NT5C2: variants seen among roughly 807,000 people sequenced by gnomAD.
NT5C2 encodes 5'-nucleotidase, cytosolic II.
In NT5C2, 58 loss-of-function variants were observed where a neutral mutation model predicts 76.1. That is an observed-to-expected ratio of 0.76 (90% CI 0.62 to 0.95). The LOEUF (loss-of-function observed/expected upper bound fraction) is 0.95, where lower values mean the gene tolerates loss of function less well. NT5C2 is among the 40% of genes least tolerant of loss of function. The pLI is 0.00. For missense variants in NT5C2, 478 were observed against 690.3 expected (o/e 0.69, Z 3.45); for synonymous variants, 229 against 237.4 (o/e 0.96, Z 0.32).
rs76986834 is a variant in NT5C2 at position 103,106,929 on chromosome 10, C to T, written c.176-223G>A. On this transcript the variant is annotated intron_variant, in intron 4 of 18. Coordinates refer to ENST00000404739, the MANE Select transcript of NT5C2 (RefSeq NM_001351169.2). ...ATATTATATAGCAGGAGCACAGCAA[C>T]AAGCTGAATTATCAAATTATTCAGT... is the stretch of plus-strand genomic sequence containing the variant. Among the ~76,000 whole-genome samples the T allele has an allele frequency of 4.0e-3, 614 of 152,242 alleles. 20 individuals carry two copies. In the East Asian group the frequency reaches 0.072, roughly 18 times the overall value.
chr10:103,120,447 GTTATTT>G (rs1434722527), intron 4 of NT5C2, among the ~76,000 whole-genome samples: 2 of 152,156 alleles, frequency 1.3e-5, no homozygotes, highest in Non-Finnish European at 2.9e-5. Flanking sequence ...TAACTCCACA[GTTATTT>G]TAAAAACCTA....
chr10:103,157,630 C>T (rs1036267715), intron 3 of NT5C2, among the ~76,000 whole-genome samples: 1 of 152,148 alleles, frequency 6.6e-6, no homozygotes. Flanking sequence ...TCAACATCAG[C>T]AGAATACACA....
At chr10:103,162,810 TAA>T (rs1005186417) in intron 3 of NT5C2, among the ~76,000 whole-genome samples, 4 of 152,190 alleles carry the variant, frequency 2.6e-5, no homozygotes, top group African/African-American at 9.7e-5. Context: ...TTATTATTAC[TAA>T]AATACAGTAA....
At position 103,101,269 on chromosome 10, in the gene NT5C2, T is replaced by C; in HGVS notation, c.447A>G (p.Arg149=). 6.2e-7 allele frequency: 1 copy of C among 1,608,866 alleles called. No homozygotes were observed. The highest frequency in any genetic ancestry group is 8.5e-7 in the Non-Finnish European group (1 of 1,175,750). Residue 149 remains arginine (R), a synonymous_variant, in exon 7 of 19, where the codon AGA becomes AGG. Transcript: ENST00000404739. ...NKFIQRDDTE[R]FYILNTLFNL... is the part of the protein sequence containing the mutation. ...TGAATAGTGTGTTCAGAATGTAAAATCTTTCAGTATCATCTCGCTGGATAA... is the reference window on the plus strand; with the variant it reads ...TGAATAGTGTGTTCAGAATGTAAAACCTTTCAGTATCATCTCGCTGGATAA...
In NT5C2 at chr10:103,089,337, T is replaced by C. The variant is rs1451316494; in HGVS notation, c.*335A>G. ...CACTCTTTGTTCCACTCTGAGACTC[T>C]TTCCTTTTCCTCGTGTATCCAGATA... On this transcript the variant is annotated 3_prime_UTR_variant, in exon 19 of 19. Coordinates refer to ENST00000404739, the MANE Select transcript of NT5C2 (RefSeq NM_001351169.2). The C allele has an allele frequency of 7.8e-6, 2 of 256,498 alleles. No homozygotes were observed. Among genetic ancestry groups the C allele is most frequent in the Non-Finnish European group, 7.5e-6 (1 of 134,128 alleles). 15.9% of individuals were successfully genotyped at this position (256,498 alleles called of 1,614,324 possible).
intron 4 of NT5C2, chr10:103,125,224 T>G (rs2076437439): frequency 1.3e-6 from 1 of 769,942 alleles, no homozygotes; most frequent in Admixed American, 1.8e-5. Flanking sequence ...TGAGGTTCAC[T>G]ACAATTTTCC....
At chr10:103,160,095 T>C (rs1304636758) in intron 3 of NT5C2, among the ~76,000 whole-genome samples, 1 of 152,220 alleles carries the variant, frequency 6.6e-6, no homozygotes, top group Non-Finnish European at 1.5e-5. Context: ...TTCATACATC[T>C]ATGTTCAAAT....
intron 4 of NT5C2, among the ~76,000 whole-genome samples, chr10:103,130,484 T>G (rs2077933456): frequency 6.8e-6 from 1 of 146,590 alleles, no homozygotes; most frequent in Non-Finnish European, 1.5e-5. Context: ...TCTGCTGACC[T>G]TCCCTCCACT....
chr10:103,170,505 A>G (rs866679120), intron 3 of NT5C2, among the ~76,000 whole-genome samples: 2 of 150,132 alleles, frequency 1.3e-5, no homozygotes, highest in Non-Finnish European at 3.0e-5. Context: ...ATACACACAC[A>G]CAAGCACACA....
chr10:103,108,695 TAATA>T (rs1208136681), intron 4 of NT5C2, among the ~76,000 whole-genome samples: 1 of 152,176 alleles, frequency 6.6e-6, no homozygotes, highest in Non-Finnish European at 1.5e-5. Flanking sequence ...CAAAATCCTT[TAATA>T]AATATTTGTC....
intron 4 of NT5C2, among the ~76,000 whole-genome samples, chr10:103,129,354 G>C (rs2077470206): frequency 8.4e-6 from 1 of 118,712 alleles, no homozygotes; most frequent in Admixed American, 7.7e-5. Flanking sequence ...AGGTGGGGGG[G>C]TCAGCTCTCC....
chr10:103,189,357 C>T (rs566516690), intron 1 of NT5C2, among the ~76,000 whole-genome samples: 9 of 152,104 alleles, frequency 5.9e-5, no homozygotes, highest in Admixed American at 3.3e-4. Context: ...CCTGTAATCG[C>T]AGCACTTTGG....
At chr10:103,177,051 T>C (rs531653660) in intron 2 of NT5C2, among the ~76,000 whole-genome samples, 29 of 152,178 alleles carry the variant, frequency 1.9e-4, no homozygotes, top group East Asian at 5.8e-4. Flanking sequence ...ACTGTAACAT[T>C]TGAAAAGGAA....
At chr10:103,151,713 AATG>A (rs1335333877) in intron 3 of NT5C2, among the ~76,000 whole-genome samples, 1 of 152,184 alleles carries the variant, frequency 6.6e-6, no homozygotes, top group African/African-American at 2.4e-5. Flanking sequence ...ATAGCTATCA[AATG>A]ATAACACGGT....
intron 4 of NT5C2, among the ~76,000 whole-genome samples, chr10:103,129,464 G>A (rs1229901737): frequency 8.9e-5 from 10 of 111,830 alleles, no homozygotes; most frequent in Admixed American, 1.7e-4. Context: ...CACCCCGTCC[G>A]GGAGGGAGAT....
intron 4 of NT5C2, among the ~76,000 whole-genome samples, chr10:103,119,529 A>C (rs1232285495): frequency 3.3e-5 from 5 of 152,214 alleles, no homozygotes; most frequent in Non-Finnish European, 7.3e-5. Context: ...GGATGCCCTG[A>C]GTATTATTTC....
intron 3 of NT5C2, among the ~76,000 whole-genome samples, chr10:103,147,949 T>A (rs1371270434): frequency 6.6e-6 from 1 of 152,098 alleles, no homozygotes; most frequent in African/African-American, 2.4e-5. Context: ...TTGTATGCTT[T>A]AAAAGGGTGA....
At chr10:103,136,489 C>T (rs931190436) in intron 4 of NT5C2, among the ~76,000 whole-genome samples, 1 of 152,110 alleles carries the variant, frequency 6.6e-6, no homozygotes, top group African/African-American at 2.4e-5. Context: ...ATAAATGTTA[C>T]CACTTACTGT....
chr10:103,159,652 A>G (rs1591594642), intron 3 of NT5C2, among the ~76,000 whole-genome samples: 1 of 139,140 alleles, frequency 7.2e-6, no homozygotes, highest in Admixed American at 7.2e-5. Context: ...CTGTCTCTTT[A>G]AAAAAAAAAA....
Sources: gnomAD v4.1 joint callset for allele counts (sites outside exome capture counted in the v4.1 genomes callset) on GRCh38, gnomAD v4.1.1 for gene constraint, MANE v1.5 for transcripts, NCBI Gene and HGNC (gene_info 2026-07-23, HGNC 2026-07-21) for gene names.